UNC13C: variants seen among roughly 807,000 people sequenced by gnomAD.
The protein encoded by UNC13C is unc-13 homolog C, also known as protein unc-13 homolog C.
A neutral mutation model predicts 245.4 loss-of-function variants in UNC13C; 174 were observed. That is an observed-to-expected ratio of 0.71 (90% CI 0.63 to 0.80). The LOEUF (loss-of-function observed/expected upper bound fraction) is 0.80. UNC13C is among the 30% of genes least tolerant of loss of function. The pLI, the probability that UNC13C is intolerant of heterozygous loss-of-function variation, is 0.00. For missense variants in UNC13C, 2,829 were observed against 2,602.9 expected, an observed-to-expected ratio of 1.09 and a Z score of -1.89; for synonymous variants, 992 against 895.1, an observed-to-expected ratio of 1.11 and a Z score of -1.93.
intron 2 of UNC13C, among the ~76,000 whole-genome samples, chr15:54,085,437 C>T (rs1043343471): frequency 1.3e-5 from 2 of 152,068 alleles, no homozygotes; most frequent in African/African-American, 4.8e-5. Flanking sequence ...TTGCTCCAGG[C>T]CAGACTTCTA....
chr15:54,188,133 A>T (rs957719877), intron 4 of UNC13C, among the ~76,000 whole-genome samples: 1 of 151,946 alleles, frequency 6.6e-6, no homozygotes, highest in African/African-American at 2.4e-5. Context: ...GTATGTTTTT[A>T]CTCACCACCT....
chr15:54,097,932 G>C (rs1289880549), intron 2 of UNC13C, among the ~76,000 whole-genome samples: 2 of 152,190 alleles, frequency 1.3e-5, no homozygotes, highest in African/African-American at 4.8e-5. Context: ...TCCTCTTGAA[G>C]AGACATTTCA....
chr15:53,932,747 G>A, the UNC13C span, among the ~76,000 whole-genome samples: 4 of 151,834 alleles, frequency 2.6e-5, no homozygotes, highest in Admixed American at 2.6e-4. Flanking sequence ...CTGGCCACTC[G>A]TATTCATTTG....
chr15:54,243,901 C>A (rs1367992639), intron 7 of UNC13C, among the ~76,000 whole-genome samples: 1 of 152,060 alleles, frequency 6.6e-6, no homozygotes, highest in Non-Finnish European at 1.5e-5. Context: ...AGATAGATTG[C>A]AAAAATTTTC....
intron 2 of UNC13C, among the ~76,000 whole-genome samples, chr15:54,087,211 A>G (rs1049066737): frequency 1.3e-5 from 2 of 152,082 alleles, no homozygotes; most frequent in African/African-American, 4.8e-5. Context: ...TAGAAAGTAG[A>G]GTGCAGTTTT....
At chr15:54,616,894 G>C (rs1314461839) in intron 30 of UNC13C, among the ~76,000 whole-genome samples, 1 of 151,826 alleles carries the variant, frequency 6.6e-6, no homozygotes, top group Non-Finnish European at 1.5e-5. Context: ...CCCAATATAG[G>C]TGTCTTGTTT....
At chr15:54,550,824 A>G (rs11071087) in intron 28 of UNC13C, among the ~76,000 whole-genome samples, 50,623 of 152,024 alleles carry the variant, frequency 0.33, 9,391 homozygotes, top group East Asian at 0.53. Context: ...GGATTTCTGG[A>G]GCCTACTTTG....
intron 4 of UNC13C, among the ~76,000 whole-genome samples, chr15:54,225,878 T>G (rs1027813243): frequency 6.6e-6 from 1 of 152,202 alleles, no homozygotes; most frequent in African/African-American, 2.4e-5. Context: ...CATCCTTGTC[T>G]TGTGCCAGTT....
intron 30 of UNC13C, among the ~76,000 whole-genome samples, chr15:54,605,117 A>G (rs16974918): frequency 0.026 from 3,913 of 152,234 alleles, 169 homozygotes; most frequent in African/African-American, 0.088. Flanking sequence ...CCTGCTGGGT[A>G]GTAAAGCTGG....
intron 4 of UNC13C, among the ~76,000 whole-genome samples, chr15:54,232,506 T>C (rs1474545203): frequency 6.6e-6 from 1 of 152,160 alleles, no homozygotes; most frequent in Non-Finnish European, 1.5e-5. Flanking sequence ...TTCAAGATTC[T>C]GGGTGTACTT....
chr15:54,621,247 A>T (rs181944950), intron 30 of UNC13C, among the ~76,000 whole-genome samples: 1 of 152,306 alleles, frequency 6.6e-6, no homozygotes, highest in Admixed American at 6.5e-5. Context: ...TTAATCTAAT[A>T]CATTGCAAAT....
At chr15:53,847,193 G>A in the UNC13C span, among the ~76,000 whole-genome samples, 1 of 152,110 alleles carries the variant, frequency 6.6e-6, no homozygotes, top group South Asian at 2.1e-4. Context: ...TACAAACAAA[G>A]TTAAAGATTT....
intron 19 of UNC13C, among the ~76,000 whole-genome samples, chr15:54,463,430 GAGCTGTAACACTCACCGCGA>G (rs1202975198): frequency 1.3e-5 from 2 of 151,712 alleles, no homozygotes; most frequent in Non-Finnish European, 2.9e-5. Context: ...CTGCCTTTAT[GAGCTGTAACACTCACCGCGA>G]AGCTCTGCAG....
chr15:54,552,675 A>G (rs1413540511), intron 28 of UNC13C, among the ~76,000 whole-genome samples: 1 of 84,150 alleles, frequency 1.2e-5, no homozygotes, highest in Non-Finnish European at 2.0e-5. Context: ...TGTACTATAT[A>G]ATATAATTAT....
At chr15:54,573,330 C>A (rs983798583) in intron 30 of UNC13C, among the ~76,000 whole-genome samples, 1 of 152,078 alleles carries the variant, frequency 6.6e-6, no homozygotes, top group Admixed American at 6.5e-5. Context: ...GGAATTGAAT[C>A]CCATTAGAAA....
At chr15:54,290,054 T>G (rs1276485773) in intron 10 of UNC13C, among the ~76,000 whole-genome samples, 1 of 151,932 alleles carries the variant, frequency 6.6e-6, no homozygotes, top group Non-Finnish European at 1.5e-5. Flanking sequence ...AACTGAAATC[T>G]CCAGTTTCAA....
At chr15:53,840,868 A>G in the UNC13C span, among the ~76,000 whole-genome samples, 2 of 152,088 alleles carry the variant, frequency 1.3e-5, no homozygotes, top group Non-Finnish European at 2.9e-5. Context: ...CTGCTCACAT[A>G]GGAGTAATCA....
At chr15:54,353,083 T>A (rs2039019837) in intron 17 of UNC13C, among the ~76,000 whole-genome samples, 1 of 152,174 alleles carries the variant, frequency 6.6e-6, no homozygotes. Flanking sequence ...TTTATTCACA[T>A]ATATACAATA....
At chr15:54,111,087 C>T (rs1441397122) in intron 2 of UNC13C, among the ~76,000 whole-genome samples, 2 of 152,178 alleles carry the variant, frequency 1.3e-5, no homozygotes, top group Admixed American at 1.3e-4. Context: ...TCTTCCCTGA[C>T]TTTATACCAG....
Sources: gnomAD v4.1 joint callset for allele counts (sites outside exome capture counted in the v4.1 genomes callset) on GRCh38, gnomAD v4.1.1 for gene constraint, MANE v1.5 for transcripts, NCBI Gene and HGNC (gene_info 2026-07-23, HGNC 2026-07-21) for gene names.